CPT1C: variants seen among roughly 807,000 people sequenced by gnomAD.
CPT1C encodes palmitoyl thioesterase CPT1C.
CPT1C carries 61 observed loss-of-function variants against 97.3 expected under a neutral mutation model. The ratio of observed to expected loss-of-function variants is 0.63; its 90% confidence interval spans 0.51 to 0.78. The LOEUF is 0.78. CPT1C is among the 30% of genes least tolerant of loss of function. CPT1C has a pLI of 0.00. For missense variants in CPT1C, 975 were observed against 1,065.5 expected (o/e 0.92, Z 1.18); for synonymous variants, 469 against 447.2 (o/e 1.05, Z -0.61).
chr19:49,696,821 C>T (rs1037922198), intron 3 of CPT1C, among the ~76,000 whole-genome samples: 31 of 151,918 alleles, frequency 2.0e-4, no homozygotes, highest in African/African-American at 6.8e-4. Flanking sequence ...TTACTAGAGA[C>T]GGATTTCACC....
At position 49,703,595 on chromosome 19, in the gene CPT1C, C is replaced by CCTTCCTTCCTTCCTT. The variant is rs1568525615; in HGVS notation, c.694-1114_694-1113insTTCCTTCCTTCCTTC. Among the ~76,000 whole-genome samples the CCTTCCTTCCTTCCTT allele has an allele frequency of 3.3e-3, 253 of 75,836 alleles. 6 individuals are homozygous for CCTTCCTTCCTTCCTT. The highest frequency in any genetic ancestry group is 0.033 in the Middle Eastern group (4 of 122). The allele number at this position is 75,836 out of a possible 152,430, so 49.8% of individuals were successfully genotyped here. A position where few individuals can be genotyped will look rare whatever the true frequency, so the allele number is the denominator to read the frequency against. On this transcript the variant is annotated intron_variant, in intron 7 of 19. Coordinates refer to ENST00000598293, the MANE Select transcript of CPT1C (RefSeq NM_001199753.2). ...TCCCTCCCTCCCTCCCTCCCTCCCT[C>CCTTCCTTCCTTCCTT]CCTTCCTTCCTTCCTTCCTTCCTTC...
At chr19:49,694,646 A>AAG (rs1347838423) in intron 3 of CPT1C, among the ~76,000 whole-genome samples, 5 of 147,226 alleles carry the variant, frequency 3.4e-5, no homozygotes, top group Admixed American at 6.7e-5. Context: ...AAAAAAAAAA[A>AAG]GGGGGTGGGA....
chr19:49,704,648 C>G (rs2083397642), intron 7 of CPT1C, 62 bp from the exon 8 acceptor site: 9 of 1,328,408 alleles, frequency 6.8e-6, no homozygotes, highest in Non-Finnish European at 9.7e-6. Context: ...CTTCCCTGTC[C>G]TACTGTCCCT....
chr19:49,706,442 G>A lies in CPT1C; in HGVS notation c.1343+29G>A. 2 of 1,436,208 alleles carry A rather than the reference G, an allele frequency of 1.4e-6. No individual in the cohort carries two copies. The highest frequency in any genetic ancestry group is 1.8e-6 in the Non-Finnish European group (2 of 1,102,478). 89.0% of individuals were successfully genotyped at this position (1,436,208 alleles called of 1,614,324 possible). ...AGTGAGTCTTGGGATGGGGCCCCCA[G>A]ATGTGGCACCCGAGAATCCAGTATC... On this transcript the variant is annotated intron_variant, in intron 12 of 19. Coordinates refer to ENST00000598293, the MANE Select transcript of CPT1C (RefSeq NM_001199753.2). The surrounding 1 kb of genome is among the most constrained non-coding windows in gnomAD (Gnocchi z 4.8).
rs995173040 is a variant in CPT1C, at chr19:49,692,283, C to T, written c.31C>T (p.Arg11Ter). MAEAHQAVGF[R>*]PSLTSDGAEV... Reference sequence around the variant, plus strand: ...TGAAGCGCACCAGGCCGTGGGCTTCCGACCCTCGCTGACCTCGGACGGGGC... The same window carrying T: ...TGAAGCGCACCAGGCCGTGGGCTTCTGACCCTCGCTGACCTCGGACGGGGC... Residue 11 changes from arginine (R) to a stop codon, truncating the protein, a stop_gained, in exon 3 of 20, where the codon CGA becomes TGA. Coordinates refer to ENST00000598293, the MANE Select transcript of CPT1C (RefSeq NM_001199753.2). LOFTEE classifies it high-confidence loss of function. 2 of 1,614,020 alleles carry T rather than the reference C, an allele frequency of 1.2e-6. No homozygotes were observed. The highest frequency in any genetic ancestry group is 1.7e-5 in the Admixed American group (1 of 60,000).
intron 7 of CPT1C, 54 bp downstream of exon 7, chr19:49,701,688 T>G: frequency 6.6e-7 from 1 of 1,519,778 alleles, no homozygotes; most frequent in Non-Finnish European, 8.9e-7. Flanking sequence ...GGTTGTGAGC[T>G]CGCCTGCTAA....
At chr19:49,710,155 C>T (rs926074019) in intron 14 of CPT1C, among the ~76,000 whole-genome samples, 165 bp from the exon 15 acceptor site, 1 of 152,062 alleles carries the variant, frequency 6.6e-6, no homozygotes, top group Non-Finnish European at 1.5e-5. Flanking sequence ...GCCCCTATCC[C>T]CATCTTTAGT....
rs2083521481 is a variant in CPT1C at position 49,706,740 on chromosome 19, A to G, written c.1343+327A>G. Among the ~76,000 whole-genome samples, 1 of 151,930 alleles carries G rather than the reference A, an allele frequency of 6.6e-6. No individual in the cohort carries two copies. The highest frequency in any genetic ancestry group is 1.5e-5 in the Non-Finnish European group (1 of 67,990). On this transcript the variant is annotated intron_variant, in intron 12 of 19. Transcript: ENST00000598293. This position sits in a 1 kb window ranked among gnomAD's most constrained non-coding sequence, Gnocchi z 4.8. ...GAGACCCCAGATCTGAGGACCACCA[A>G]ACCCAGGACCCCTAGGCCCAGGGAC...
chr19:49,702,024 A>ATAAATATATATTTAT (rs1555779097), intron 7 of CPT1C, among the ~76,000 whole-genome samples: 245 of 1,332 alleles, frequency 0.18, 24 homozygotes, highest in East Asian at 0.31. Context: ...TTATTTATAA[A>ATAAATATATATTTAT]TTATAAATAT....
intron 16 of CPT1C, 52 bp downstream of exon 16, chr19:49,710,909 C>T: frequency 6.4e-7 from 1 of 1,563,214 alleles, no homozygotes. Flanking sequence ...ACTCACTCAT[C>T]CACTTGCAAA....
chr19:49,692,431 C>T, intron 3 of CPT1C, 38 bp downstream of exon 3: 2 of 1,608,324 alleles, frequency 1.2e-6, no homozygotes, highest in Non-Finnish European at 1.7e-6. Flanking sequence ...TCCGGGGATC[C>T]AGGTTTCTGC....
chr19:49,706,369 G>A lies in CPT1C; in HGVS notation c.1299G>A (p.Leu433=). 6.6e-7 allele frequency: 1 copy of A among 1,507,574 alleles called. No individual in the cohort carries two copies. Among genetic ancestry groups the A allele is most frequent in the African/African-American group, 1.4e-5 (1 of 69,374 alleles). The allele number at this position is 1,507,574 out of a possible 1,614,324, so 93.4% of individuals were successfully genotyped here. The change falls in exon 12 of 20, where the codon TTG becomes TTA. Residue 433 remains leucine, a synonymous_variant. Transcript: ENST00000598293. The surrounding 1 kb of genome is among the most constrained non-coding windows in gnomAD (Gnocchi z 4.8). ...CCAGGGAGGACCCGGCAGCGTCGTT[G>A]GATGCCTACGCCCATGCTCTGCTGG... ...GLTREDPAAS[L]DAYAHALLAG...
rs191559379 is a variant in CPT1C, at chr19:49,697,578, T to C, written c.281+113T>C. On this transcript the variant is annotated intron_variant, in intron 4 of 19. Transcript: ENST00000598293. ...AGAAAAGTAACCTCTGAGACTTACA[T>C]TGGGTCAGATTAATAAAGGCATGGC... 124 of 1,252,926 alleles carry C rather than the reference T, an allele frequency of 9.9e-5. No homozygotes were observed. In the East Asian group the frequency reaches 1.9e-3, roughly 19 times the overall value. 77.6% of individuals were successfully genotyped at this position (1,252,926 alleles called of 1,614,324 possible).
chr19:49,692,223 A>G lies in CPT1C; in HGVS notation c.-14-16A>G. 2 of 1,610,946 alleles carry G rather than the reference A, an allele frequency of 1.2e-6. No homozygotes were observed. Among genetic ancestry groups the G allele is most frequent in the South Asian group, 2.2e-5 (2 of 91,014 alleles). On this transcript the variant is annotated splice_polypyrimidine_tract_variant and intron_variant, in intron 2 of 19. Transcript: ENST00000598293. ...GGAGGGGCTGGGGTCCTGAAGTATG[A>G]CTCTGCCCGACTCAGGGCTCCAGCG...
chr19:49,706,339 G>A lies in CPT1C; in HGVS notation c.1269G>A (p.Gly423=). ...TGTCACTGGATGCTGAGCCCGCGGG[G>A]CTCACCAGGGAGGACCCGGCAGCGT... ...FFVSLDAEPA[G]LTREDPAASL... Residue 423 remains glycine (G), a synonymous_variant, in exon 12 of 20, where the codon GGG becomes GGA. Coordinates refer to ENST00000598293, the MANE Select transcript of CPT1C (RefSeq NM_001199753.2). The surrounding 1 kb of genome is among the most constrained non-coding windows in gnomAD (Gnocchi z 4.8). 3 of 1,523,502 alleles carry A rather than the reference G, an allele frequency of 2.0e-6. No individual in the cohort carries two copies. Among genetic ancestry groups the A allele is most frequent in the South Asian group, 1.3e-5 (1 of 78,954 alleles). The allele number at this position is 1,523,502 out of a possible 1,614,324, so 94.4% of individuals were successfully genotyped here.
chr19:49,700,885 T>C, intron 5 of CPT1C, 30 bp downstream of exon 5: 8 of 1,597,882 alleles, frequency 5.0e-6, no homozygotes, highest in Non-Finnish European at 6.8e-6. Flanking sequence ...CTGCTCAGGC[T>C]CTCCTGGGAC....
chr19:49,712,242 G>C, intron 17 of CPT1C: 1 of 419,334 alleles, frequency 2.4e-6, no homozygotes, highest in Non-Finnish European at 4.3e-6. Context: ...ACTTGGGAGG[G>C]CTGAGGCAAT....
chr19:49,708,628 C>A, intron 13 of CPT1C, 95 bp from the exon 14 acceptor site: 4 of 867,166 alleles, frequency 4.6e-6, no homozygotes, highest in Middle Eastern at 2.3e-4. Context: ...GGACTGCCCC[C>A]TACCCGAAAA....
chr19:49,711,734 C>T (rs2083899402), intron 16 of CPT1C, 75 bp from the exon 17 acceptor site: 2 of 1,476,184 alleles, frequency 1.4e-6, no homozygotes, highest in Non-Finnish European at 9.1e-7. Context: ...TCAGTTGAGG[C>T]CAGATGTGCC....
Sources: gnomAD v4.1 joint callset for allele counts (sites outside exome capture counted in the v4.1 genomes callset) on GRCh38, gnomAD v4.1.1 for gene constraint, Gnocchi (gnomAD v3.1) non-coding constraint, MANE v1.5 for transcripts, NCBI Gene and HGNC (gene_info 2026-07-23, HGNC 2026-07-21) for gene names.